The following CLPB variants were observed in gnomAD, a reference collection of about 807,000 sequenced individuals.
CLPB encodes mitochondrial disaggregase.
CLPB carries 40 observed loss-of-function variants against 78.4 expected under a neutral mutation model. The ratio of observed to expected loss-of-function variants is 0.51; its 90% CI spans 0.40 to 0.66. The LOEUF is 0.66. Among genes scored for constraint, CLPB ranks in the 30% least tolerant of loss-of-function variants. The pLI is 0.00. For synonymous variants in CLPB, 333 were observed against 348.0 expected (o/e 0.96, Z 0.48); for missense variants, 780 against 886.9 (o/e 0.88, Z 1.53).
intron 3 of CLPB, among the ~76,000 whole-genome samples, chr11:72,383,253 G>A (rs887265096): frequency 2.0e-5 from 3 of 151,932 alleles, no homozygotes; most frequent in African/African-American, 4.8e-5. Flanking sequence ...GGCTGGGTGC[G>A]GTGGCTCGCA....
At chr11:72,365,619 G>A (rs966633008) in intron 4 of CLPB, among the ~76,000 whole-genome samples, 1 of 152,088 alleles carries the variant, frequency 6.6e-6, no homozygotes, top group Non-Finnish European at 1.5e-5. Flanking sequence ...CTAAGCAAAA[G>A]AACAAAGCCA....
chr11:72,418,932 A>C (rs1040377637), intron 2 of CLPB, among the ~76,000 whole-genome samples: 1 of 152,086 alleles, frequency 6.6e-6, no homozygotes, highest in Non-Finnish European at 1.5e-5. Context: ...GGAGAGGACG[A>C]CTGATTGCCT....
chr11:72,396,136 C>T (rs1855399921), intron 3 of CLPB, among the ~76,000 whole-genome samples: 1 of 152,120 alleles, frequency 6.6e-6, no homozygotes, highest in Non-Finnish European at 1.5e-5. Context: ...TTAAAATTAA[C>T]AAAGCCCGGG....
At chr11:72,323,725 T>C (rs1950084598) in intron 6 of CLPB, among the ~76,000 whole-genome samples, 1 of 152,160 alleles carries the variant, frequency 6.6e-6, no homozygotes, top group African/African-American at 2.4e-5. Context: ...CGAATGCAAC[T>C]TGGATTTTGA....
intron 9 of CLPB, among the ~76,000 whole-genome samples, chr11:72,305,557 C>A (rs781652536): frequency 6.6e-6 from 1 of 152,304 alleles, no homozygotes; most frequent in East Asian, 1.9e-4. Flanking sequence ...GTAAAGTTTA[C>A]CTGCCTAGGG....
intron 4 of CLPB, among the ~76,000 whole-genome samples, chr11:72,360,662 C>T (rs930268062): frequency 6.6e-6 from 1 of 152,054 alleles, no homozygotes; most frequent in Admixed American, 6.6e-5. Flanking sequence ...GTCTCAAACT[C>T]CCGACCTCAG....
rs774628549 is a variant in CLPB, at chr11:72,434,057, A to C, written c.403+15T>G. ...TCCCGCCTCTCCCTTCCTCAAACCC[A>C]GATCTCATAATCACCCTTGTTGGAC... On this transcript the variant is annotated intron_variant, in intron 1 of 15. Coordinates refer to ENST00000538039, the MANE Select transcript of CLPB (RefSeq NM_001258392.3). 1.9e-6 allele frequency: 3 copies of C among 1,606,984 alleles called. No homozygotes were observed. The Admixed American group carries it at 5.0e-5, about 27-fold the overall frequency.
chr11:72,427,447 A>G (rs141362268), intron 2 of CLPB, among the ~76,000 whole-genome samples: 1 of 152,332 alleles, frequency 6.6e-6, no homozygotes, highest in Non-Finnish European at 1.5e-5. Context: ...GCGCTACACA[A>G]TGATGTGTTT....
rs199830981 is a variant in CLPB, at chr11:72,333,208, CCT to C, written c.776-3406_776-3405del. ...CTCATGAGGGCAGCCACAATATACC[CCT>C]GATGAAAAAGCCTTCAGTTGGCCTT... On this transcript the variant is annotated intron_variant, in intron 5 of 15. Transcript: ENST00000538039. 4.8e-3 allele frequency among the ~76,000 whole-genome samples: 726 copies of C among 152,262 alleles called. 3 individuals are homozygous for C. The highest frequency in any genetic ancestry group is 0.017 in the African/African-American group (696 of 41,542).
intron 1 of CLPB, among the ~76,000 whole-genome samples, chr11:72,432,190 C>G (rs1856565515): frequency 6.6e-6 from 1 of 152,060 alleles, no homozygotes; most frequent in African/African-American, 2.4e-5. Flanking sequence ...CCATGGTGCC[C>G]CGAAACTGTT....
At chr11:72,383,590 A>G (rs1349319290) in intron 3 of CLPB, among the ~76,000 whole-genome samples, 1 of 151,954 alleles carries the variant, frequency 6.6e-6, no homozygotes, top group East Asian at 1.9e-4. Flanking sequence ...AGAGAAAAAA[A>G]GCAAGTAACA....
chr11:72,342,749 G>C (rs575033624), intron 5 of CLPB, among the ~76,000 whole-genome samples: 1 of 152,174 alleles, frequency 6.6e-6, no homozygotes, highest in Non-Finnish European at 1.5e-5. Flanking sequence ...CCTGGGGTCT[G>C]GGCTGAATTT....
At position 72,294,030 on chromosome 11, in the gene CLPB, T is replaced by G. The variant is rs779976853; in HGVS notation, c.1777A>C (p.Lys593Gln). The part of the protein sequence containing the change: ...YNVHYGARSI[K>Q]HEVERRVVNQ... ...CAGGCTCCTGTGCTCACCTCATGTT[T>G]GATGGAGCGGGCGCCATAGTGCACA... Residue 593 changes from lysine (K) to glutamine (Q), a missense_variant, in exon 15 of 16, where the codon AAA becomes CAA. Around this residue, in one of 3 missense-constraint regions of CLPB, gnomAD observed 272 missense variants for 304.0 expected, o/e 0.89. Coordinates refer to ENST00000538039, the MANE Select transcript of CLPB (RefSeq NM_001258392.3). 33 of 1,613,668 alleles carry G rather than the reference T, an allele frequency of 2.0e-5. No homozygotes were observed. The highest frequency in any genetic ancestry group is 1.7e-5 in the Admixed American group (1 of 59,968).
chr11:72,324,826 C>G (rs1020807265), intron 6 of CLPB, among the ~76,000 whole-genome samples: 1 of 152,204 alleles, frequency 6.6e-6, no homozygotes, highest in African/African-American at 2.4e-5. Flanking sequence ...CTGCACTCAG[C>G]TCTGAGAGGA....
intron 4 of CLPB, among the ~76,000 whole-genome samples, chr11:72,368,972 A>T (rs554801845): frequency 6.6e-6 from 1 of 152,318 alleles, no homozygotes; most frequent in East Asian, 1.9e-4. Context: ...TGATGAATTA[A>T]AGACTGGGTC....
At position 72,300,428 on chromosome 11, in the gene CLPB, G is replaced by C. The variant is rs144340855; in HGVS notation, c.1329+1375C>G. ...TAGCTGTGCACTTGAATCCCATCAA[G>C]AGGCTGGAATGGAGTAGAGGCCTCA... On this transcript the variant is annotated intron_variant, in intron 11 of 15. Coordinates refer to ENST00000538039, the MANE Select transcript of CLPB (RefSeq NM_001258392.3). 1.6e-3 allele frequency among the ~76,000 whole-genome samples: 239 copies of C among 152,328 alleles called. 2 individuals carry two copies. Among genetic ancestry groups the C allele is most frequent in the African/African-American group, 5.6e-3 (234 of 41,578 alleles).
At chr11:72,354,348 A>G (rs1050997557) in intron 5 of CLPB, 8 of 395,658 alleles carry the variant, frequency 2.0e-5, no homozygotes, top group African/African-American at 6.2e-5. Context: ...CCTGTGTACG[A>G]TGGATGCCTT....
intron 2 of CLPB, among the ~76,000 whole-genome samples, chr11:72,424,770 C>T (rs1020009344): frequency 8.5e-5 from 13 of 152,106 alleles, no homozygotes; most frequent in East Asian, 1.9e-4. Flanking sequence ...CCTGTAGTCC[C>T]AGCTACTCGG....
rs576651010 is a variant in CLPB at position 72,292,042 on chromosome 11, CAAA to C, written c.*1322_*1324del. On this transcript the variant is annotated 3_prime_UTR_variant, in exon 16 of 16. Transcript: ENST00000538039. ...TGGGGGACAGAGTGAGACTCTGTCT[CAAA>C]AAAAAAAAAAAAAAAAAAAAGGCAG... is the stretch of plus-strand genomic sequence containing the variant. The C allele has an allele frequency of 1.1e-4, 5 of 44,228 alleles. No homozygotes were observed. The highest frequency in any genetic ancestry group is 2.5e-4 in the African/African-American group (3 of 12,124). 2.7% of individuals were successfully genotyped at this position (44,228 alleles called of 1,614,324 possible).
Sources: allele counts gnomAD v4.1 joint callset (sites outside exome capture counted in the v4.1 genomes callset), GRCh38; gene constraint gnomAD v4.1.1; regional missense constraint gnomAD v4.1.1; transcripts MANE v1.5; gene names NCBI Gene and HGNC (gene_info 2026-07-23, HGNC 2026-07-21).